The following LRP1B variants were observed in gnomAD, a reference collection of about 807,000 sequenced individuals.
LRP1B encodes low-density lipoprotein receptor-related protein 1B.
Under a neutral mutation model 556.6 loss-of-function variants are expected in LRP1B, and 217 were observed. The ratio of observed to expected loss-of-function variants is 0.39; its 90% CI spans 0.35 to 0.44. The LOEUF is 0.44. Among genes scored for constraint, LRP1B ranks in the 20% least tolerant of loss-of-function variants. The probability of loss-of-function intolerance (pLI) is 1.00; values close to 1 mark genes in which losing one functional copy is unlikely to be tolerated. For missense variants in LRP1B, 5,053 were observed against 5,620.8 expected (o/e 0.90, Z 3.23); for synonymous variants, 2,047 against 1,865.8 (o/e 1.10, Z -2.50).
At position 141,663,935 on chromosome 2, in the gene LRP1B, AAC is replaced by A. The variant is rs1481291139; in HGVS notation, c.205+146342_205+146343del. The stretch of plus-strand genomic sequence containing the variant: ...AGAGATACATCAAAAAAAAAAAAAA[AAC>A]AAAAACACAAAACTTCAGGCTATTA... On this transcript the variant is annotated intron_variant, in intron 2 of 90. Coordinates refer to ENST00000389484, the MANE Select transcript of LRP1B (RefSeq NM_018557.3). 7.4e-4 allele frequency among the ~76,000 whole-genome samples: 112 copies of A among 151,578 alleles called. 1 individual carries two copies. Among genetic ancestry groups the A allele is most frequent in the African/African-American group, 2.5e-3 (105 of 41,372 alleles).
At chr2:141,318,336 G>C (rs752939805) in intron 3 of LRP1B, among the ~76,000 whole-genome samples, 1 of 152,156 alleles carries the variant, frequency 6.6e-6, no homozygotes, top group Non-Finnish European at 1.5e-5. Flanking sequence ...ATAGGGGTTA[G>C]AGATAAGAAT....
chr2:140,348,630 T>G (rs1681804927), intron 77 of LRP1B, among the ~76,000 whole-genome samples: 1 of 152,218 alleles, frequency 6.6e-6, no homozygotes, highest in Non-Finnish European at 1.5e-5. Flanking sequence ...TTACTATCAT[T>G]AAAAGTAAAG....
At chr2:141,859,521 A>T (rs932120252) in intron 1 of LRP1B, among the ~76,000 whole-genome samples, 3 of 152,192 alleles carry the variant, frequency 2.0e-5, no homozygotes, top group Non-Finnish European at 2.9e-5. Context: ...ATAGTTTGCC[A>T]TGTTAATTTA....
At chr2:140,804,249 G>A (rs972548797) in intron 32 of LRP1B, among the ~76,000 whole-genome samples, 3 of 151,972 alleles carry the variant, frequency 2.0e-5, no homozygotes, top group Admixed American at 6.6e-5. Flanking sequence ...GTAAATCTGC[G>A]AGTGTTCAGT....
intron 41 of LRP1B, among the ~76,000 whole-genome samples, chr2:140,674,925 AAGAG>A (rs1359534595): frequency 2.0e-5 from 3 of 152,246 alleles, no homozygotes; most frequent in African/African-American, 7.2e-5. Flanking sequence ...CTCACAGTTC[AAGAG>A]GTTCAGTCTT....
intron 66 of LRP1B, among the ~76,000 whole-genome samples, chr2:140,406,716 GC>G (rs1684754362): frequency 1.3e-5 from 2 of 151,976 alleles, no homozygotes; most frequent in Non-Finnish European, 2.9e-5. Flanking sequence ...TGTAAACCCA[GC>G]CCATGTTCAT....
At chr2:141,792,847 C>A (rs1003932335) in intron 2 of LRP1B, among the ~76,000 whole-genome samples, 7 of 151,598 alleles carry the variant, frequency 4.6e-5, no homozygotes, top group African/African-American at 1.7e-4. Flanking sequence ...ATAAATAGTT[C>A]AAGACAAATA....
rs138341811 is a variant in LRP1B at position 140,813,137 on chromosome 2, G to T, written c.5359+520C>A. The stretch of plus-strand genomic sequence containing the variant: ...ACCTAGCACCTTTTTTTCCCTAGAA[G>T]ATTGAATCAAAGAATGGAAATAACA... On this transcript the variant is annotated intron_variant, in intron 32 of 90. Coordinates refer to ENST00000389484, the MANE Select transcript of LRP1B (RefSeq NM_018557.3). 7.2e-5 allele frequency among the ~76,000 whole-genome samples: 11 copies of T among 152,022 alleles called. No individual in the cohort carries two copies. In the East Asian group the frequency reaches 2.1e-3, roughly 29 times the overall value.
intron 1 of LRP1B, among the ~76,000 whole-genome samples, chr2:141,917,697 C>A (rs190769659): frequency 1.4e-4 from 22 of 152,294 alleles, no homozygotes; most frequent in African/African-American, 5.3e-4. Context: ...TCTACTGCTG[C>A]AGCTTTTGAG....
chr2:141,266,342 A>AAC (rs1325114657), intron 3 of LRP1B, among the ~76,000 whole-genome samples: 6 of 151,414 alleles, frequency 4.0e-5, no homozygotes, highest in Non-Finnish European at 7.4e-5. Flanking sequence ...AAAAAAAAAA[A>AAC]AGAATATGCA....
chr2:141,872,031 G>T (rs1698605134), intron 1 of LRP1B, among the ~76,000 whole-genome samples: 1 of 151,916 alleles, frequency 6.6e-6, no homozygotes, highest in African/African-American at 2.4e-5. Context: ...TTCTTCAAGA[G>T]AGATTCTCAG....
chr2:142,126,815 C>T (rs1707671481), intron 1 of LRP1B, among the ~76,000 whole-genome samples: 1 of 151,682 alleles, frequency 6.6e-6, no homozygotes, highest in Admixed American at 6.6e-5. Flanking sequence ...CATAAAGTTC[C>T]CTCAACATCA....
intron 2 of LRP1B, among the ~76,000 whole-genome samples, chr2:141,600,595 C>G (rs1053560294): frequency 2.6e-5 from 4 of 152,072 alleles, no homozygotes; most frequent in Non-Finnish European, 5.9e-5. Context: ...AGATCCAGAG[C>G]CAACCCTCAT....
In LRP1B at chr2:142,064,363, C is replaced by T. The variant is rs189972129; in HGVS notation, c.82+66285G>A. On this transcript the variant is annotated intron_variant, in intron 1 of 90. Coordinates refer to ENST00000389484, the MANE Select transcript of LRP1B (RefSeq NM_018557.3). ...CTCTATCTTCACTTTCTCTGACTGG[C>T]AACACTGTGGTTGCATTCATGTGTG... 2.2e-3 allele frequency among the ~76,000 whole-genome samples: 336 copies of T among 151,622 alleles called. 1 individual carries two copies. Among genetic ancestry groups the T allele is most frequent in the Non-Finnish European group, 3.9e-3 (264 of 67,644 alleles).
intron 59 of LRP1B, among the ~76,000 whole-genome samples, chr2:140,484,444 T>A (rs1688382535): frequency 6.6e-6 from 1 of 152,128 alleles, no homozygotes; most frequent in Non-Finnish European, 1.5e-5. Context: ...ATTAATTAAT[T>A]TAAATTGCAG....
rs368747093 is a variant in LRP1B at position 140,640,160 on chromosome 2, G to A, written c.6800-38521C>T. ...TGGGACTACGGGCGCCCGCCACCTC[G>A]CCTGGCTAATTTTTTTTGTATTTTT... On this transcript the variant is annotated intron_variant, in intron 41 of 90. Transcript: ENST00000389484. 2.1e-4 allele frequency among the ~76,000 whole-genome samples: 31 copies of A among 150,982 alleles called. No individual in the cohort carries two copies. In the East Asian group the frequency reaches 6.0e-3, roughly 29 times the overall value.
At chr2:141,183,048 A>G (rs967218228) in intron 7 of LRP1B, among the ~76,000 whole-genome samples, 11 of 151,990 alleles carry the variant, frequency 7.2e-5, no homozygotes, top group Admixed American at 5.9e-4. Context: ...ACAGCTTTAG[A>G]ACCGTCTCAG....
At chr2:141,217,143 G>C (rs1682847995) in intron 6 of LRP1B, among the ~76,000 whole-genome samples, 1 of 152,100 alleles carries the variant, frequency 6.6e-6, no homozygotes, top group Non-Finnish European at 1.5e-5. Flanking sequence ...AACGTTGGAG[G>C]TGGGTCCTAG....
intron 37 of LRP1B, among the ~76,000 whole-genome samples, chr2:140,712,894 T>G (rs1163940826): frequency 6.6e-6 from 1 of 152,054 alleles, no homozygotes; most frequent in Non-Finnish European, 1.5e-5. Flanking sequence ...ACTTTTACAG[T>G]TCAGTAATTT....
Sources: allele counts gnomAD v4.1 joint callset (sites outside exome capture counted in the v4.1 genomes callset), GRCh38; gene constraint gnomAD v4.1.1; transcripts MANE v1.5; gene names NCBI Gene and HGNC (gene_info 2026-07-23, HGNC 2026-07-21).